The following ABCA13 variants were observed in gnomAD, a reference collection of about 807,000 sequenced individuals.
The protein encoded by ABCA13 is ATP-binding cassette sub-family A member 13.
ABCA13 carries 476 observed loss-of-function variants against 478.7 expected under a neutral mutation model. That is an observed-to-expected ratio of 0.99 (90% CI 0.92 to 1.07). The LOEUF (loss-of-function observed/expected upper bound fraction) is 1.07. Among genes scored for constraint, ABCA13 ranks in the 50% least tolerant of loss-of-function variants. The pLI is 0.00. For synonymous variants in ABCA13, 2,252 were observed against 2,158.9 expected, an observed-to-expected ratio of 1.04 and a Z score of -1.20; for missense variants, 6,060 against 5,910.6, an observed-to-expected ratio of 1.03 and a Z score of -0.83.
chr7:48,266,521 C>A (rs1192542476), intron 15 of ABCA13, among the ~76,000 whole-genome samples: 1 of 151,616 alleles, frequency 6.6e-6, no homozygotes, highest in African/African-American at 2.4e-5. Context: ...TTATTAACTT[C>A]TTAATTTGTA....
At chr7:48,296,479 A>G (rs1408343417) in intron 21 of ABCA13, among the ~76,000 whole-genome samples, 1 of 139,292 alleles carries the variant, frequency 7.2e-6, no homozygotes, top group Non-Finnish European at 1.5e-5. Context: ...TTTTTTTTTG[A>G]GATGGAGTCT....
intron 59 of ABCA13, among the ~76,000 whole-genome samples, chr7:48,636,275 G>A (rs578151797): frequency 2.0e-5 from 3 of 152,218 alleles, no homozygotes; most frequent in Non-Finnish European, 2.9e-5. Flanking sequence ...GGAGTCAGCC[G>A]CCTCCCATAT....
rs1457235894 is a variant in ABCA13, at chr7:48,245,880, T to C, written c.1509T>C (p.Ala503=). ...WELKQMLAKN[A]VCPNGRFSEK... is the part of the protein sequence containing the mutation. ...TCTTTTAGATGTTGGCGAAGAATGC[T>C]GTCTGCCCGAATGGTCGTTTCTCTG... is the stretch of plus-strand genomic sequence containing the variant. Residue 503 remains alanine, a synonymous_variant, in exon 13 of 62, where the codon GCT becomes GCC. Transcript: ENST00000435803. 11 of 1,613,092 alleles carry C rather than the reference T, an allele frequency of 6.8e-6. No individual in the cohort carries two copies. Among genetic ancestry groups the C allele is most frequent in the Non-Finnish European group, 9.3e-6 (11 of 1,179,508 alleles).
chr7:48,502,853 C>A (rs1433736981), intron 48 of ABCA13, among the ~76,000 whole-genome samples: 5 of 152,158 alleles, frequency 3.3e-5, no homozygotes, highest in Admixed American at 3.3e-4. Context: ...TTGTGTATTT[C>A]TGGCTACCAA....
chr7:48,319,615 G>A (rs752221453), intron 27 of ABCA13, among the ~76,000 whole-genome samples: 4 of 152,060 alleles, frequency 2.6e-5, no homozygotes, highest in Non-Finnish European at 1.5e-5. Flanking sequence ...ATCTGAAGTT[G>A]CCATTTTTGC....
chr7:48,406,164 G>T (rs1168250466), intron 39 of ABCA13, among the ~76,000 whole-genome samples: 2 of 152,146 alleles, frequency 1.3e-5, no homozygotes, highest in Non-Finnish European at 2.9e-5. Flanking sequence ...TGTACAGTGA[G>T]GGCTCTTGAT....
rs763606367 is a variant in ABCA13, at chr7:48,275,242, T to A, written c.5576T>A (p.Leu1859His). 6.2e-7 allele frequency: 1 copy of A among 1,613,942 alleles called. No individual in the cohort carries two copies. The highest frequency in any genetic ancestry group is 1.1e-5 in the South Asian group (1 of 91,076). ...TTTTATGGCAAAGTGGCCAGTATAC[T>A]TGATCATTTCCACCTGTCTCCCCAA... The part of the protein sequence containing the change: ...SSFYGKVASI[L>H]DHFHLSPQGE... The change falls in exon 17 of 62, where the codon CTT becomes CAT. Residue 1859 changes from leucine (L) to histidine (H), a missense_variant. Around this residue, in one of 3 missense-constraint regions of ABCA13, gnomAD observed 4,423 missense variants for 4,309.1 expected, o/e 1.03. Coordinates refer to ENST00000435803, the MANE Select transcript of ABCA13 (RefSeq NM_152701.5).
chr7:48,221,467 T>TA (rs1275962342), intron 5 of ABCA13, among the ~76,000 whole-genome samples, 158 bp downstream of exon 5: 18 of 152,238 alleles, frequency 1.2e-4, no homozygotes, highest in Non-Finnish European at 1.0e-4. Context: ...TCTTTGTAGA[T>TA]ACGGGCTAAA....
chr7:48,374,270 G>A, intron 33 of ABCA13, 77 bp from the exon 34 acceptor site: 2 of 1,349,124 alleles, frequency 1.5e-6, no homozygotes, highest in Middle Eastern at 1.8e-4. Flanking sequence ...TTCGCTCCTT[G>A]AATTAAGTGT....
intron 29 of ABCA13, among the ~76,000 whole-genome samples, chr7:48,348,011 A>G (rs1808369932): frequency 2.0e-5 from 3 of 152,138 alleles, no homozygotes; most frequent in Non-Finnish European, 4.4e-5. Context: ...CAGGCACCCA[A>G]CTCCATCTGA....
At chr7:48,585,435 T>A (rs1789089956) in intron 56 of ABCA13, among the ~76,000 whole-genome samples, 1 of 152,188 alleles carries the variant, frequency 6.6e-6, no homozygotes, top group Non-Finnish European at 1.5e-5. Context: ...AAATCTGCAT[T>A]TCCTAGAATT....
In ABCA13 at chr7:48,439,402, C is replaced by G. The variant is rs190716509; in HGVS notation, c.12565+11531C>G. ...CTAATAATCATATTTTCTTTAAATT[C>G]TCTCTTACATATAAAAGTTATTAAA... On this transcript the variant is annotated intron_variant, in intron 42 of 61. Transcript: ENST00000435803. Among the ~76,000 whole-genome samples, 643 of 152,182 alleles carry G rather than the reference C, an allele frequency of 4.2e-3. 3 individuals are homozygous for G. Among genetic ancestry groups the G allele is most frequent in the Non-Finnish European group, 4.7e-3 (322 of 68,006 alleles).
At chr7:48,325,788 G>A (rs1038749784) in intron 27 of ABCA13, among the ~76,000 whole-genome samples, 3 of 152,186 alleles carry the variant, frequency 2.0e-5, no homozygotes, top group African/African-American at 7.2e-5. Flanking sequence ...TGCCCCTAGA[G>A]CTGGGGCAGA....
intron 31 of ABCA13, among the ~76,000 whole-genome samples, chr7:48,365,594 T>C (rs111967569): frequency 1.1e-3 from 162 of 152,336 alleles, no homozygotes; most frequent in African/African-American, 3.7e-3. Context: ...GATGTTTGTA[T>C]ATGGCAAGAG....
rs1190304670 is a variant in ABCA13 at position 48,272,998 on chromosome 7, A to G, written c.3332A>G (p.Asn1111Ser). 4 of 1,613,642 alleles carry G rather than the reference A, an allele frequency of 2.5e-6. No homozygotes were observed. The highest frequency in any genetic ancestry group is 3.4e-6 in the Non-Finnish European group (4 of 1,179,730). Reference sequence around the variant, plus strand: ...GACAATAAACACATTTCTTCCGTAAATTATTCAACAAGTGAGGAGTCTTCA... The same window carrying G: ...GACAATAAACACATTTCTTCCGTAAGTTATTCAACAAGTGAGGAGTCTTCA... ...ISDNKHISSV[N>S]YSTSEESSFV... The change falls in exon 17 of 62, where the codon AAT becomes AGT. Residue 1111 changes from asparagine to serine, a missense_variant. Asn to Ser is a conservative substitution (Grantham distance 46). This residue lies in a region of ABCA13 where 4,423 missense variants were observed against 4,309.1 expected (regional missense o/e 1.03). Coordinates refer to ENST00000435803, the MANE Select transcript of ABCA13 (RefSeq NM_152701.5).
intron 1 of ABCA13, among the ~76,000 whole-genome samples, chr7:48,176,971 T>C (rs1367561886): frequency 6.6e-6 from 1 of 152,216 alleles, no homozygotes; most frequent in African/African-American, 2.4e-5. Context: ...TTTGAGATTT[T>C]TGTCTGTTAC....
At chr7:48,289,989 A>G (rs1436356545) in intron 20 of ABCA13, among the ~76,000 whole-genome samples, 1 of 152,244 alleles carries the variant, frequency 6.6e-6, no homozygotes, top group African/African-American at 2.4e-5. Flanking sequence ...ATGGGCAAAA[A>G]GCACAATGCC....
At chr7:48,251,069 G>A (rs1792480751) in intron 15 of ABCA13, among the ~76,000 whole-genome samples, 1 of 152,094 alleles carries the variant, frequency 6.6e-6, no homozygotes, top group Admixed American at 6.6e-5. Context: ...ATCCACATAT[G>A]GTAAGATGGG....
chr7:48,430,599 G>A (rs571005150), intron 42 of ABCA13, among the ~76,000 whole-genome samples: 5 of 151,672 alleles, frequency 3.3e-5, no homozygotes, highest in South Asian at 2.1e-4. Context: ...GCTTGGACCC[G>A]GGAGGCGGAG....
Sources: gnomAD v4.1 joint callset for allele counts (sites outside exome capture counted in the v4.1 genomes callset) on GRCh38, gnomAD v4.1.1 for gene constraint, gnomAD v4.1.1 regional missense constraint, MANE v1.5 for transcripts, NCBI Gene and HGNC (gene_info 2026-07-23, HGNC 2026-07-21) for gene names.